The following DGKB variants were observed in gnomAD, a reference collection of about 807,000 sequenced individuals.
DGKB encodes 90 kDa diacylglycerol kinase.
DGKB carries 67 observed loss-of-function variants against 114.3 expected under a neutral mutation model. The ratio of observed to expected loss-of-function variants is 0.59; its 90% CI spans 0.48 to 0.72. The LOEUF (loss-of-function observed/expected upper bound fraction) is 0.72. DGKB is among the 30% of genes least tolerant of loss of function. The pLI, the probability that DGKB is intolerant of heterozygous loss-of-function variation, is 0.00. For synonymous variants in DGKB, 398 were observed against 323.1 expected, an observed-to-expected ratio of 1.23 and a Z score of -2.49; for missense variants, 907 against 975.2, an observed-to-expected ratio of 0.93 and a Z score of 0.93.
chr7:14,485,302 T>G (rs1358522903), intron 20 of DGKB, among the ~76,000 whole-genome samples: 4 of 49,182 alleles, frequency 8.1e-5, no homozygotes, highest in Admixed American at 2.1e-4. Context: ...GCTCATGAGG[T>G]GTGTGTGTGT....
intron 7 of DGKB, among the ~76,000 whole-genome samples, chr7:14,699,559 C>T (rs569248428): frequency 6.6e-6 from 1 of 152,098 alleles, no homozygotes; most frequent in East Asian, 1.9e-4. Flanking sequence ...TGCAAATGAT[C>T]AACAAATCTT....
chr7:14,885,832 G>C (rs1854969343), intron 1 of DGKB, among the ~76,000 whole-genome samples: 1 of 151,830 alleles, frequency 6.6e-6, no homozygotes, highest in Non-Finnish European at 1.5e-5. Flanking sequence ...GCTAAAGTCA[G>C]GATTTAAACC....
intron 17 of DGKB, among the ~76,000 whole-genome samples, chr7:14,605,381 C>A (rs117813491): frequency 0.27 from 39,887 of 146,930 alleles, 6,115 homozygotes; most frequent in East Asian, 0.68. Context: ...TATATATACA[C>A]CTATATATGT....
At chr7:14,600,928 G>T (rs1392705510) in intron 17 of DGKB, among the ~76,000 whole-genome samples, 1 of 152,152 alleles carries the variant, frequency 6.6e-6, no homozygotes, top group Non-Finnish European at 1.5e-5. Context: ...CTAGCCTGGA[G>T]TCTCAGAGGT....
chr7:14,689,418 G>A (rs2128985809), intron 9 of DGKB, among the ~76,000 whole-genome samples: 1 of 151,802 alleles, frequency 6.6e-6, no homozygotes, highest in African/African-American at 2.4e-5. Context: ...TGATCCGCCC[G>A]CCTCGGCCTC....
At chr7:14,517,004 C>T (rs1434133762) in intron 20 of DGKB, among the ~76,000 whole-genome samples, 1 of 152,024 alleles carries the variant, frequency 6.6e-6, no homozygotes, top group Non-Finnish European at 1.5e-5. Context: ...TCAAGTTGAT[C>T]CTAAGCAAAA....
intron 17 of DGKB, among the ~76,000 whole-genome samples, chr7:14,584,359 G>C (rs770309086): frequency 6.6e-6 from 1 of 152,084 alleles, no homozygotes; most frequent in African/African-American, 2.4e-5. Flanking sequence ...GTGTTTTGAA[G>C]GCTACTCTAG....
At chr7:14,958,869 T>C (rs1786676731) in intron 1 of DGKB, among the ~76,000 whole-genome samples, 2 of 152,044 alleles carry the variant, frequency 1.3e-5, no homozygotes, top group Admixed American at 1.3e-4. Flanking sequence ...AGCCTTTAGG[T>C]GGATTAAAAT....
chr7:14,259,812 G>T (rs953163063), intron 23 of DGKB, among the ~76,000 whole-genome samples: 3 of 152,078 alleles, frequency 2.0e-5, no homozygotes, highest in African/African-American at 2.4e-5. Flanking sequence ...TAGCTATGGG[G>T]TTCTCTTTTC....
intron 8 of DGKB, among the ~76,000 whole-genome samples, chr7:14,695,660 C>T (rs998048594): frequency 1.3e-5 from 2 of 151,776 alleles, no homozygotes; most frequent in African/African-American, 4.8e-5. Context: ...CCACTACGCC[C>T]GGCTGATTTT....
chr7:14,686,328 T>G (rs970081151), intron 9 of DGKB, among the ~76,000 whole-genome samples: 1 of 152,156 alleles, frequency 6.6e-6, no homozygotes, highest in Non-Finnish European at 1.5e-5. Context: ...GTCAAGATAT[T>G]AAATGAAATT....
At chr7:14,807,358 G>T (rs925664438) in intron 2 of DGKB, among the ~76,000 whole-genome samples, 11 of 149,258 alleles carry the variant, frequency 7.4e-5, no homozygotes, top group African/African-American at 2.7e-4. Flanking sequence ...AATAAATAAA[G>T]AATGAATAAA....
intron 2 of DGKB, among the ~76,000 whole-genome samples, chr7:14,812,087 A>G (rs77394851): frequency 0.059 from 9,043 of 152,166 alleles, 869 homozygotes; most frequent in African/African-American, 0.21. Flanking sequence ...TAAGGTCATC[A>G]AGCTTCATTC....
At chr7:14,415,897 A>T (rs1188491253) in intron 21 of DGKB, among the ~76,000 whole-genome samples, 1 of 152,144 alleles carries the variant, frequency 6.6e-6, no homozygotes, top group East Asian at 1.9e-4. Context: ...ACAGTGTAAA[A>T]GTGTTCCTAT....
chr7:14,741,096 T>C (rs1009022391), intron 4 of DGKB, among the ~76,000 whole-genome samples: 1 of 152,098 alleles, frequency 6.6e-6, no homozygotes, highest in Non-Finnish European at 1.5e-5. Flanking sequence ...TCTTCACAGA[T>C]GGTTAATCCT....
At chr7:14,222,221 T>G (rs1024182509) in intron 23 of DGKB, among the ~76,000 whole-genome samples, 2 of 151,024 alleles carry the variant, frequency 1.3e-5, no homozygotes, top group Non-Finnish European at 3.0e-5. Flanking sequence ...CTTTTTTTGT[T>G]TTGCAGTGTC....
rs111647761 is a variant in DGKB at position 14,605,388 on chromosome 7, ATGTG to A, written c.1433+2042_1433+2045del. The stretch of plus-strand genomic sequence containing the variant: ...ATACTATATATATATACACCTATAT[ATGTG>A]TGTGTGTGTGTGTGTGTATGAATAC... On this transcript the variant is annotated intron_variant, in intron 17 of 25. Coordinates refer to ENST00000402815, the MANE Select transcript of DGKB (RefSeq NM_001350709.2). Among the ~76,000 whole-genome samples the A allele has an allele frequency of 4.1e-4, 61 of 147,100 alleles. 1 individual carries two copies. Among genetic ancestry groups the A allele is most frequent in the African/African-American group, 1.2e-3 (47 of 40,274 alleles).
At chr7:14,284,318 C>A (rs2128460728) in intron 23 of DGKB, among the ~76,000 whole-genome samples, 1 of 143,676 alleles carries the variant, frequency 7.0e-6, no homozygotes. Context: ...GAGATACCAT[C>A]TCACACCAGT....
At chr7:14,182,127 ATATT>A (rs1435851027) in intron 23 of DGKB, among the ~76,000 whole-genome samples, 3 of 152,162 alleles carry the variant, frequency 2.0e-5, no homozygotes, top group Non-Finnish European at 2.9e-5. Flanking sequence ...AGTTGTTACA[ATATT>A]TCCTACTTTA....
Sources: allele counts gnomAD v4.1 joint callset (sites outside exome capture counted in the v4.1 genomes callset), GRCh38; gene constraint gnomAD v4.1.1; transcripts MANE v1.5; gene names NCBI Gene and HGNC (gene_info 2026-07-23, HGNC 2026-07-21).